The following SLC27A6 variants were observed in gnomAD, a reference collection of about 807,000 sequenced individuals.
SLC27A6 encodes the protein solute carrier family 27 member 6.
Under a neutral mutation model 63.9 loss-of-function variants are expected in SLC27A6, and 74 were observed. The observed-to-expected ratio is 1.16, with a 90% CI of 0.96 to 1.40. The LOEUF (loss-of-function observed/expected upper bound fraction) is 1.40, where lower values mean the gene tolerates loss of function less well. SLC27A6 is among the 40% of genes most tolerant of loss of function. The probability of loss-of-function intolerance (pLI) is 0.00; values close to 1 mark genes in which losing one functional copy is unlikely to be tolerated. For missense variants in SLC27A6, 794 were observed against 732.9 expected (o/e 1.08, Z -0.96); for synonymous variants, 287 against 260.8 (o/e 1.10, Z -0.97).
At chr5:129,021,532 C>A in intron 5 of SLC27A6, among the ~76,000 whole-genome samples, 1 of 152,204 alleles carries the variant, frequency 6.6e-6, no homozygotes, top group East Asian at 1.9e-4. Flanking sequence ...GTGTGCATTG[C>A]ACAGTTCTGC....
At chr5:129,028,648 G>A (rs903395718) in intron 8 of SLC27A6, among the ~76,000 whole-genome samples, 4 of 148,076 alleles carry the variant, frequency 2.7e-5, no homozygotes, top group African/African-American at 9.9e-5. Flanking sequence ...GAATTTTAAT[G>A]CCTGCGTGTA....
chr5:128,979,522 T>G (rs1267007163), intron 1 of SLC27A6, among the ~76,000 whole-genome samples: 1 of 152,180 alleles, frequency 6.6e-6, no homozygotes, highest in African/African-American at 2.4e-5. Flanking sequence ...AATGAGTCTG[T>G]CTGTAGATTG....
chr5:128,967,790 C>G (rs1167144190), intron 1 of SLC27A6, among the ~76,000 whole-genome samples: 1 of 151,948 alleles, frequency 6.6e-6, no homozygotes, highest in Non-Finnish European at 1.5e-5. Flanking sequence ...ACTTTAAGTT[C>G]TAGAGTACAT....
chr5:128,975,476 G>T (rs922519478), intron 1 of SLC27A6, among the ~76,000 whole-genome samples: 7 of 151,248 alleles, frequency 4.6e-5, no homozygotes, highest in Non-Finnish European at 1.0e-4. Context: ...TGTGGTATGG[G>T]TTATTGCTCC....
At chr5:129,028,203 A>C (rs181438607) in intron 7 of SLC27A6, 142 bp from the exon 8 acceptor site, 1 of 584,068 alleles carries the variant, frequency 1.7e-6, no homozygotes, top group Non-Finnish European at 3.0e-6. Flanking sequence ...CTTTCTTAGA[A>C]ATGCCTTTCA....
At chr5:128,975,511 ATTACTGTAC>A (rs1750345755) in intron 1 of SLC27A6, among the ~76,000 whole-genome samples, 1 of 152,186 alleles carries the variant, frequency 6.6e-6, no homozygotes, top group African/African-American at 2.4e-5. Context: ...GTACCAGGAT[ATTACTGTAC>A]TGAATATCGT....
rs557947309 is a variant in SLC27A6, at chr5:128,970,328, G to A, written c.481+3710G>A. ...TCTATTGATTGGAATAGTTTCAGAA[G>A]GAATGGTACCAATTCCTGTTTGTAC... On this transcript the variant is annotated intron_variant, in intron 1 of 9. Transcript: ENST00000262462. Among the ~76,000 whole-genome samples, 4 of 152,276 alleles carry A rather than the reference G, an allele frequency of 2.6e-5. No homozygotes were observed. In the South Asian group the frequency reaches 6.2e-4, roughly 24 times the overall value.
chr5:129,020,962 A>C (rs957065402), intron 5 of SLC27A6, among the ~76,000 whole-genome samples: 1 of 151,848 alleles, frequency 6.6e-6, no homozygotes, highest in African/African-American at 2.4e-5. Context: ...ATTGTATAAT[A>C]ATACGCACGA....
intron 1 of SLC27A6, among the ~76,000 whole-genome samples, chr5:128,972,075 A>G (rs1372063139): frequency 6.6e-6 from 1 of 152,154 alleles, no homozygotes; most frequent in South Asian, 2.1e-4. Flanking sequence ...TTCTTTAAGA[A>G]TGTTGAATAT....
chr5:128,969,196 G>T (rs966957405), intron 1 of SLC27A6, among the ~76,000 whole-genome samples: 1 of 152,152 alleles, frequency 6.6e-6, no homozygotes, highest in Non-Finnish European at 1.5e-5. Context: ...GTCAGGTATC[G>T]TGATGCCTCC....
intron 4 of SLC27A6, among the ~76,000 whole-genome samples, chr5:129,008,033 A>G (rs1331348354): frequency 1.3e-5 from 2 of 152,070 alleles, no homozygotes; most frequent in East Asian, 1.9e-4. Context: ...GATATGTTAC[A>G]TAATATTTAT....
intron 4 of SLC27A6, among the ~76,000 whole-genome samples, chr5:129,003,924 C>T (rs1181976): frequency 0.49 from 72,635 of 148,316 alleles, 18,468 homozygotes; most frequent in East Asian, 0.74. Context: ...GCTGAGATTG[C>T]CCCACTGTAC....
chr5:129,025,110 A>G (rs1752193009), intron 6 of SLC27A6, among the ~76,000 whole-genome samples: 1 of 152,162 alleles, frequency 6.6e-6, no homozygotes, highest in Non-Finnish European at 1.5e-5. Flanking sequence ...TGCTTATGTA[A>G]CCTCAGGGTT....
intron 1 of SLC27A6, among the ~76,000 whole-genome samples, chr5:128,970,679 A>G (rs1356323919): frequency 6.6e-6 from 1 of 151,920 alleles, no homozygotes; most frequent in East Asian, 1.9e-4. Context: ...CTAGCAGTCT[A>G]CCAATTTTGT....
intron 6 of SLC27A6, 67 bp from the exon 7 acceptor site, chr5:129,027,066 T>TACATTCA: frequency 7.9e-7 from 1 of 1,268,838 alleles, no homozygotes. Context: ...ATAATATAGA[T>TACATTCA]ACATTCATGG....
chr5:129,022,996 G>A (rs915110596), intron 5 of SLC27A6, among the ~76,000 whole-genome samples: 7 of 152,080 alleles, frequency 4.6e-5, no homozygotes, highest in African/African-American at 7.2e-5. Flanking sequence ...TTCTTGATGC[G>A]ATGGGAGTTT....
rs573893786 is a variant in SLC27A6, at chr5:128,986,246, C to T, written c.685+910C>T. ...GTTGAATCATTCTATCCCAGAAGTTCGGGGTTATAGTGAGCTGATTGCACC... is the reference window on the plus strand; with the variant it reads ...GTTGAATCATTCTATCCCAGAAGTTTGGGGTTATAGTGAGCTGATTGCACC... On this transcript the variant is annotated intron_variant, in intron 2 of 9. Coordinates refer to ENST00000262462, the MANE Select transcript of SLC27A6 (RefSeq NM_001017372.3). Among the ~76,000 whole-genome samples the T allele has an allele frequency of 3.5e-4, 53 of 152,190 alleles. No homozygotes were observed. In the South Asian group the frequency reaches 0.01, roughly 29 times the overall value.
At chr5:129,006,983 T>C (rs1751562556) in intron 4 of SLC27A6, among the ~76,000 whole-genome samples, 1 of 152,136 alleles carries the variant, frequency 6.6e-6, no homozygotes, top group South Asian at 2.1e-4. Flanking sequence ...CAGCAAAAAA[T>C]ATTATATCCT....
chr5:128,984,619 TG>T (rs1351072066), intron 1 of SLC27A6, among the ~76,000 whole-genome samples: 1 of 152,244 alleles, frequency 6.6e-6, no homozygotes, highest in East Asian at 1.9e-4. Flanking sequence ...TCCCCCATTT[TG>T]GAGTCCCCAC....
Sources: gnomAD v4.1 joint callset for allele counts (sites outside exome capture counted in the v4.1 genomes callset) on GRCh38, gnomAD v4.1.1 for gene constraint, MANE v1.5 for transcripts, NCBI Gene and HGNC (gene_info 2026-07-23, HGNC 2026-07-21) for gene names.